PCDH15: variants seen among roughly 807,000 people sequenced by gnomAD.
PCDH15 encodes the protein protocadherin-15.
In PCDH15, 129 loss-of-function variants were observed where a neutral mutation model predicts 178.5. The ratio of observed to expected loss-of-function variants is 0.72; its 90% CI spans 0.63 to 0.84. PCDH15 has a LOEUF of 0.84. PCDH15 is among the 40% of genes least tolerant of loss of function. PCDH15 has a pLI of 0.00. For missense variants in PCDH15, 2,230 were observed against 2,099.9 expected (o/e 1.06, Z -1.21); for synonymous variants, 800 against 732.0 (o/e 1.09, Z -1.50).
At chr10:53,836,203 C>A (rs561223345) in intron 29 of PCDH15, among the ~76,000 whole-genome samples, 8 of 152,248 alleles carry the variant, frequency 5.3e-5, no homozygotes, top group African/African-American at 1.4e-4. Flanking sequence ...GCAGAAAATT[C>A]TCTTGCACCC....
intron 2 of PCDH15, among the ~76,000 whole-genome samples, chr10:55,555,685 A>G (rs1223916197): frequency 6.6e-6 from 1 of 152,130 alleles, no homozygotes; most frequent in Non-Finnish European, 1.5e-5. Context: ...AACTTCTGCA[A>G]TCTTTGAATG....
intron 8 of PCDH15, among the ~76,000 whole-genome samples, chr10:54,247,654 C>A (rs1215743402): frequency 6.6e-6 from 1 of 151,548 alleles, no homozygotes. Flanking sequence ...TGGGGTAGTA[C>A]AATAAACAAT....
chr10:55,020,914 T>G (rs1375235356), intron 2 of PCDH15, among the ~76,000 whole-genome samples: 1 of 152,188 alleles, frequency 6.6e-6, no homozygotes, highest in African/African-American at 2.4e-5. Flanking sequence ...TGCCCTATTA[T>G]CTATCTTATC....
intron 2 of PCDH15, among the ~76,000 whole-genome samples, chr10:55,018,914 T>C (rs1200125227): frequency 6.6e-6 from 1 of 152,102 alleles, no homozygotes; most frequent in Non-Finnish European, 1.5e-5. Flanking sequence ...ATATAATACA[T>C]GGCATAATTT....
At chr10:54,774,710 A>G (rs1277021686) in intron 1 of PCDH15, among the ~76,000 whole-genome samples, 3 of 152,190 alleles carry the variant, frequency 2.0e-5, no homozygotes, top group African/African-American at 7.2e-5. Flanking sequence ...TTCCAGTAGT[A>G]GGTAAAACCT....
rs2076352027 is a variant in PCDH15, at chr10:53,822,457, AAGG to A, written c.4368-2230_4368-2228del. On this transcript the variant is annotated intron_variant, in intron 32 of 37. Transcript: ENST00000644397. ...AGAGGAGCAGGAGCAGGAGGAGGAG[AAGG>A]AGGAGAAATAGGAGGAGGAGGGGGA... The A allele has an allele frequency of 1.3e-6, 2 of 1,599,848 alleles. No individual in the cohort carries two copies. The highest frequency in any genetic ancestry group is 2.7e-5 in the African/African-American group (2 of 73,630).
intron 2 of PCDH15, among the ~76,000 whole-genome samples, chr10:55,003,649 T>A (rs896616459): frequency 1.2e-4 from 19 of 152,224 alleles, no homozygotes; most frequent in African/African-American, 4.3e-4. Flanking sequence ...TATTTTATGT[T>A]ATAATAGGAC....
intron 15 of PCDH15, among the ~76,000 whole-genome samples, chr10:54,097,005 A>C (rs1056981996): frequency 6.6e-6 from 1 of 152,148 alleles, no homozygotes; most frequent in East Asian, 1.9e-4. Flanking sequence ...TTAACAAATC[A>C]TGTAGTTTTT....
At chr10:54,689,322 C>G (rs1256431407) in intron 1 of PCDH15, among the ~76,000 whole-genome samples, 1 of 152,074 alleles carries the variant, frequency 6.6e-6, no homozygotes, top group East Asian at 1.9e-4. Flanking sequence ...ACAAAGCACT[C>G]TTTTTTGGAT....
intron 8 of PCDH15, among the ~76,000 whole-genome samples, chr10:54,254,260 G>C (rs1230811011): frequency 6.6e-6 from 1 of 152,052 alleles, no homozygotes; most frequent in East Asian, 1.9e-4. Flanking sequence ...TAGAGATGAT[G>C]CAAGTCTCAC....
intron 2 of PCDH15, among the ~76,000 whole-genome samples, chr10:54,988,247 A>C (rs1591821609): frequency 6.6e-6 from 1 of 152,098 alleles, no homozygotes; most frequent in Admixed American, 6.6e-5. Flanking sequence ...CTAGTACCAC[A>C]CTGTTTTGGT....
chr10:55,513,585 G>T (rs1213730209), intron 2 of PCDH15, among the ~76,000 whole-genome samples: 1 of 151,868 alleles, frequency 6.6e-6, no homozygotes, highest in Non-Finnish European at 1.5e-5. Flanking sequence ...TTAATATTTG[G>T]GGTTTATATG....
At chr10:55,224,485 G>A (rs919578742) in intron 1 of PCDH15, among the ~76,000 whole-genome samples, 1 of 151,966 alleles carries the variant, frequency 6.6e-6, no homozygotes, top group African/African-American at 2.4e-5. Flanking sequence ...AGAAATCCAG[G>A]CGACCCTGCT....
At chr10:55,101,554 T>G (rs1842577634) in intron 2 of PCDH15, among the ~76,000 whole-genome samples, 1 of 151,994 alleles carries the variant, frequency 6.6e-6, no homozygotes, top group Admixed American at 6.6e-5. Context: ...TATTTTCGAC[T>G]ACTTAAATTT....
chr10:55,158,449 T>C lies in PCDH15; in HGVS notation c.-80+8127A>G, dbSNP rs561005051. ...TCCTCTGTTACCTTGTGAGGGGAAA[T>C]CTTCATTCTTAATGACCCAAAAGTT... On this transcript the variant is annotated intron_variant, in intron 2 of 5. Transcript: ENST00000458638. Among the ~76,000 whole-genome samples the C allele has an allele frequency of 1.3e-3, 194 of 152,036 alleles. 1 individual carries two copies. Among genetic ancestry groups the C allele is most frequent in the Admixed American group, 3.5e-3 (53 of 15,218 alleles).
intron 2 of PCDH15, among the ~76,000 whole-genome samples, chr10:55,164,068 C>T (rs1025353878): frequency 6.6e-6 from 1 of 152,164 alleles, no homozygotes; most frequent in African/African-American, 2.4e-5. Flanking sequence ...CAGAGGCCTT[C>T]CTGTTGTCAA....
At chr10:54,566,904 T>G (rs1025730243) in intron 2 of PCDH15, among the ~76,000 whole-genome samples, 3 of 152,200 alleles carry the variant, frequency 2.0e-5, no homozygotes, top group East Asian at 1.9e-4. Flanking sequence ...TGTAAGAAAC[T>G]TTCAGATTGT....
At chr10:55,571,926 A>G (rs1194856316) in intron 2 of PCDH15, among the ~76,000 whole-genome samples, 2 of 152,140 alleles carry the variant, frequency 1.3e-5, no homozygotes, top group Admixed American at 6.6e-5. Context: ...CAAGAATGAC[A>G]TAAGTCTGCT....
intron 2 of PCDH15, among the ~76,000 whole-genome samples, chr10:54,660,020 A>G (rs2135372356): frequency 6.6e-6 from 1 of 152,268 alleles, no homozygotes; most frequent in East Asian, 1.9e-4. Flanking sequence ...TCATACATCA[A>G]GGAACTAGGA....
Sources: gnomAD v4.1 joint callset for allele counts (sites outside exome capture counted in the v4.1 genomes callset) on GRCh38, gnomAD v4.1.1 for gene constraint, MANE v1.5 for transcripts, NCBI Gene and HGNC (gene_info 2026-07-23, HGNC 2026-07-21) for gene names.